STX18: variants seen among roughly 807,000 people sequenced by gnomAD.
STX18 encodes syntaxin-18.
In STX18, 40 loss-of-function variants were observed where a neutral mutation model predicts 50.1. The ratio of observed to expected loss-of-function variants is 0.80; its 90% CI spans 0.62 to 1.04. The LOEUF is 1.04. STX18 is among the 50% of genes least tolerant of loss of function. The probability of loss-of-function intolerance (pLI) is 0.00; values close to 1 mark genes in which losing one functional copy is unlikely to be tolerated. For synonymous variants in STX18, 158 were observed against 151.8 expected (o/e 1.04, Z -0.30); for missense variants, 410 against 415.8 (o/e 0.99, Z 0.12).
At chr4:4,445,214 C>T (rs1279892379) in intron 5 of STX18, among the ~76,000 whole-genome samples, 4 of 152,112 alleles carry the variant, frequency 2.6e-5, no homozygotes, top group African/African-American at 9.7e-5. Flanking sequence ...CAAGAACAGC[C>T]TGGCCAACGA....
chr4:4,439,798 C>T (rs1726012382), intron 5 of STX18, among the ~76,000 whole-genome samples: 2 of 152,130 alleles, frequency 1.3e-5, no homozygotes, highest in African/African-American at 4.8e-5. Flanking sequence ...ACGGGCTCTT[C>T]CCAGGGCATC....
intron 6 of STX18, among the ~76,000 whole-genome samples, chr4:4,436,119 T>G (rs557392302): frequency 6.6e-6 from 1 of 152,142 alleles, no homozygotes; most frequent in Non-Finnish European, 1.5e-5. Context: ...GATCTTTAAA[T>G]AGGGGAAGAG....
intron 5 of STX18, 92 bp downstream of exon 5, chr4:4,457,099 A>G (rs1727120051): frequency 1.1e-5 from 13 of 1,216,080 alleles, no homozygotes; most frequent in Non-Finnish European, 1.3e-5. Flanking sequence ...CAAACACGGT[A>G]CATTGCATAG....
chr4:4,468,896 A>G (rs1178885440), intron 2 of STX18, among the ~76,000 whole-genome samples: 5 of 152,220 alleles, frequency 3.3e-5, no homozygotes, highest in Non-Finnish European at 7.3e-5. Context: ...TATTAGATAA[A>G]TGGATAAGCA....
intron 1 of STX18, among the ~76,000 whole-genome samples, chr4:4,505,971 GT>G (rs1414122716): frequency 6.6e-6 from 1 of 152,084 alleles, no homozygotes; most frequent in Non-Finnish European, 1.5e-5. Context: ...TATTTTCAAG[GT>G]TTATCCATAT....
chr4:4,486,580 G>A (rs1455331859), intron 1 of STX18, among the ~76,000 whole-genome samples: 1 of 152,096 alleles, frequency 6.6e-6, no homozygotes, highest in Admixed American at 6.5e-5. Flanking sequence ...TAGGAGGCAG[G>A]TACCCCTAGG....
chr4:4,484,051 A>G (rs1423422198), intron 1 of STX18, among the ~76,000 whole-genome samples: 2 of 152,026 alleles, frequency 1.3e-5, no homozygotes, highest in Non-Finnish European at 2.9e-5. Context: ...TTTAGTAGAG[A>G]TGGGGTTTCA....
chr4:4,451,365 G>A (rs1030837932), intron 5 of STX18, among the ~76,000 whole-genome samples: 5 of 152,228 alleles, frequency 3.3e-5, no homozygotes, highest in African/African-American at 9.6e-5. Flanking sequence ...ATAATTATTA[G>A]ACAAAAGTAA....
At position 4,505,695 on chromosome 4, in the gene STX18, A is replaced by T. The variant is rs539524604; in HGVS notation, c.169-33989T>A. Among the ~76,000 whole-genome samples the T allele has an allele frequency of 4.5e-4, 69 of 152,158 alleles. 1 individual carries two copies. The highest frequency in any genetic ancestry group is 1.6e-3 in the African/African-American group (68 of 41,528). On this transcript the variant is annotated intron_variant, in intron 1 of 10. Coordinates refer to ENST00000306200, the MANE Select transcript of STX18 (RefSeq NM_016930.4). ...TCCCAGCTACTCAGGAGGCTGAGGCATGACAATCACTTGAACCTGGGAGGT... is the reference window on the plus strand; with the variant it reads ...TCCCAGCTACTCAGGAGGCTGAGGCTTGACAATCACTTGAACCTGGGAGGT...
At chr4:4,487,755 A>T (rs1728761847) in intron 1 of STX18, among the ~76,000 whole-genome samples, 1 of 152,252 alleles carries the variant, frequency 6.6e-6, no homozygotes, top group Non-Finnish European at 1.5e-5. Context: ...AAATGTATTT[A>T]TACCCCAACA....
At chr4:4,442,544 G>A (rs185172746) in intron 5 of STX18, among the ~76,000 whole-genome samples, 11 of 152,172 alleles carry the variant, frequency 7.2e-5, no homozygotes, top group Non-Finnish European at 1.2e-4. Flanking sequence ...TTACGCCTGG[G>A]AGGTGGAGGT....
intron 9 of STX18, among the ~76,000 whole-genome samples, chr4:4,421,862 C>T (rs1724983465): frequency 6.6e-6 from 1 of 152,204 alleles, no homozygotes; most frequent in African/African-American, 2.4e-5. Flanking sequence ...AAAACGTTTA[C>T]TCCAAACGAA....
intron 1 of STX18, among the ~76,000 whole-genome samples, chr4:4,534,626 G>A (rs534732089): frequency 3.9e-5 from 6 of 152,260 alleles, no homozygotes; most frequent in African/African-American, 1.4e-4. Context: ...TCAACACTGC[G>A]GATTAGTTTA....
At chr4:4,475,654 T>C (rs1482354687) in intron 1 of STX18, among the ~76,000 whole-genome samples, 2 of 152,248 alleles carry the variant, frequency 1.3e-5, no homozygotes, top group Non-Finnish European at 2.9e-5. Flanking sequence ...GCTTAATCTA[T>C]TTACTGTTAG....
intron 5 of STX18, 82 bp downstream of exon 5, chr4:4,457,109 G>T: frequency 2.3e-6 from 3 of 1,298,602 alleles, no homozygotes; most frequent in East Asian, 2.4e-5. Flanking sequence ...ACATTGCATA[G>T]GGTAAGTGCT....
intron 3 of STX18, among the ~76,000 whole-genome samples, chr4:4,457,758 G>A (rs1727156444): frequency 6.6e-6 from 1 of 152,172 alleles, no homozygotes. Flanking sequence ...AGTATTTGAC[G>A]CAGCCACTTC....
intron 1 of STX18, among the ~76,000 whole-genome samples, chr4:4,506,833 T>C (rs1013764274): frequency 6.6e-6 from 1 of 152,258 alleles, no homozygotes; most frequent in African/African-American, 2.4e-5. Context: ...CTTATTGTAC[T>C]GTACTCACCT....
intron 7 of STX18, among the ~76,000 whole-genome samples, chr4:4,433,217 G>A (rs1725604015): frequency 6.6e-6 from 1 of 152,202 alleles, no homozygotes; most frequent in African/African-American, 2.4e-5. Context: ...TATGTAAAAG[G>A]CTTGGGATAG....
intron 1 of STX18, among the ~76,000 whole-genome samples, chr4:4,479,816 C>T (rs960565738): frequency 2.6e-5 from 4 of 152,184 alleles, no homozygotes; most frequent in Non-Finnish European, 5.9e-5. Flanking sequence ...CTTACATTAT[C>T]TGCTCTTATA....
Sources: allele counts gnomAD v4.1 joint callset (sites outside exome capture counted in the v4.1 genomes callset), GRCh38; gene constraint gnomAD v4.1.1; transcripts MANE v1.5; gene names NCBI Gene and HGNC (gene_info 2026-07-23, HGNC 2026-07-21).